The following ERC1 variants were observed in gnomAD, a reference collection of about 807,000 sequenced individuals.
The protein encoded by ERC1 is RAB6 interacting protein 2.
A neutral mutation model predicts 132.0 loss-of-function variants in ERC1; 56 were observed. That is an observed-to-expected ratio of 0.42 (90% CI 0.34 to 0.53). The LOEUF (loss-of-function observed/expected upper bound fraction) is 0.53, where lower values mean the gene tolerates loss of function less well. Ranked by LOEUF, ERC1 falls within the 20% of genes least tolerant of loss-of-function variation. The probability of loss-of-function intolerance (pLI) is 0.03; values close to 1 mark genes in which losing one functional copy is unlikely to be tolerated. For missense variants in ERC1, 1,202 were observed against 1,349.9 expected, an observed-to-expected ratio of 0.89 and a Z score of 1.72; for synonymous variants, 478 against 476.1, an observed-to-expected ratio of 1.00 and a Z score of -0.05.
At chr12:1,258,149 T>C (rs1307131065) in intron 13 of ERC1, among the ~76,000 whole-genome samples, 1 of 152,228 alleles carries the variant, frequency 6.6e-6, no homozygotes, top group Non-Finnish European at 1.5e-5. Context: ...AAGTGTGGCA[T>C]GTCCTATCTT....
chr12:1,327,647 A>G (rs73036653), intron 15 of ERC1, among the ~76,000 whole-genome samples: 3,762 of 152,176 alleles, frequency 0.025, 53 homozygotes, highest in Middle Eastern at 0.071. Context: ...ATTTTTTCCA[A>G]AGTAATGTTA....
intron 14 of ERC1, among the ~76,000 whole-genome samples, chr12:1,287,432 TG>T (rs2079110197): frequency 6.6e-6 from 1 of 152,120 alleles, no homozygotes; most frequent in Non-Finnish European, 1.5e-5. Flanking sequence ...GTATTCTGGG[TG>T]TTTCTGTGAG....
rs1185667973 is a variant in ERC1 at position 1,374,804 on chromosome 12, GCTTTTC to G, written c.2925+2828_2925+2833del. On this transcript the variant is annotated intron_variant, in intron 16 of 18. Transcript: ENST00000360905. ...CACAGATGTGTTATAGGCAGGCTGG[GCTTTTC>G]AGGACAGGCTGGGATTTTTTTTTTT... Among the ~76,000 whole-genome samples, 213 of 149,486 alleles carry G rather than the reference GCTTTTC, an allele frequency of 1.4e-3. 1 individual carries two copies. Among genetic ancestry groups the G allele is most frequent in the Middle Eastern group, 3.6e-3 (1 of 278 alleles).
intron 8 of ERC1, among the ~76,000 whole-genome samples, chr12:1,174,614 T>C (rs1280083744): frequency 6.6e-5 from 10 of 152,212 alleles, no homozygotes. Context: ...AATTTCTCCC[T>C]AGATGCAGAT....
At chr12:1,153,686 G>A (rs1479675428) in intron 8 of ERC1, among the ~76,000 whole-genome samples, 5 of 152,206 alleles carry the variant, frequency 3.3e-5, no homozygotes, top group Non-Finnish European at 4.4e-5. Flanking sequence ...GAAAACAAAC[G>A]GATCACTGTG....
At chr12:1,311,899 T>A (rs987023424) in intron 15 of ERC1, among the ~76,000 whole-genome samples, 5 of 152,222 alleles carry the variant, frequency 3.3e-5, no homozygotes, top group African/African-American at 1.2e-4. Flanking sequence ...GTATAAAAAC[T>A]TTCCCATTGA....
intron 12 of ERC1, chr12:1,190,301 TATTC>T: frequency 1.8e-6 from 1 of 566,398 alleles, no homozygotes; most frequent in South Asian, 1.6e-5. Context: ...AAAAAGAGAG[TATTC>T]ATTAATTTAA....
At chr12:1,218,716 C>G (rs1255943529) in intron 12 of ERC1, among the ~76,000 whole-genome samples, 3 of 151,836 alleles carry the variant, frequency 2.0e-5, no homozygotes, top group African/African-American at 7.3e-5. Flanking sequence ...ATACCAGTGT[C>G]TCCTTATTTT....
chr12:1,439,312 C>T (rs921868833), intron 17 of ERC1, among the ~76,000 whole-genome samples: 1 of 152,182 alleles, frequency 6.6e-6, no homozygotes, highest in Admixed American at 6.5e-5. Context: ...ACTTACCTGT[C>T]TTCCTAAAGA....
At chr12:1,166,517 C>T (rs1425593829) in intron 8 of ERC1, among the ~76,000 whole-genome samples, 6 of 152,196 alleles carry the variant, frequency 3.9e-5, no homozygotes, top group South Asian at 4.1e-4. Flanking sequence ...ATGATGTTGA[C>T]TGTGGGTTTT....
At chr12:1,263,753 G>A (rs975703191) in intron 14 of ERC1, among the ~76,000 whole-genome samples, 7 of 151,840 alleles carry the variant, frequency 4.6e-5, no homozygotes, top group Non-Finnish European at 5.9e-5. Flanking sequence ...GCGATGGTGT[G>A]ATCTCAGCTC....
rs1489476709 is a variant in ERC1 at position 1,356,212 on chromosome 12, A to AGTGTGTGTGTGTG, written c.2781-15621_2781-15620insGTGTGTGTGTGTG. ...AAGTGAGACTGTCAAAAAAAAAAAA[A>AGTGTGTGTGTGTG]AGTGTGTGTGTGTGTGTGTGTGTGT... is the stretch of plus-strand genomic sequence containing the variant. On this transcript the variant is annotated intron_variant, in intron 15 of 18. Transcript: ENST00000360905. Among the ~76,000 whole-genome samples, 1,034 of 119,012 alleles carry AGTGTGTGTGTGTG rather than the reference A, an allele frequency of 8.7e-3. 12 individuals carry two copies. The highest frequency in any genetic ancestry group is 0.026 in the African/African-American group (771 of 30,144). The allele number at this position is 119,012 out of a possible 152,430, so 78.1% of individuals were successfully genotyped here.
chr12:1,169,146 T>C (rs761302514), intron 8 of ERC1, among the ~76,000 whole-genome samples: 2 of 152,248 alleles, frequency 1.3e-5, no homozygotes, highest in Non-Finnish European at 2.9e-5. Context: ...TACAATTTCA[T>C]GTTAATTATA....
chr12:1,168,932 T>C (rs1009511959), intron 8 of ERC1, among the ~76,000 whole-genome samples: 2 of 152,200 alleles, frequency 1.3e-5, no homozygotes. Flanking sequence ...TTGTGTGAAC[T>C]GAGATATAAT....
At chr12:1,280,322 A>G (rs1387976410) in intron 14 of ERC1, among the ~76,000 whole-genome samples, 1 of 152,132 alleles carries the variant, frequency 6.6e-6, no homozygotes, top group African/African-American at 2.4e-5. Flanking sequence ...TTCTGGAGAA[A>G]TGTGCACGGT....
intron 1 of ERC1, among the ~76,000 whole-genome samples, chr12:1,016,404 AT>A (rs1013218924): frequency 1.3e-5 from 2 of 152,090 alleles, no homozygotes; most frequent in Admixed American, 1.3e-4. Flanking sequence ...AGCTATTATT[AT>A]TTTTCTAATC....
At chr12:1,260,715 A>C (rs908673015) in intron 13 of ERC1, among the ~76,000 whole-genome samples, 1 of 152,248 alleles carries the variant, frequency 6.6e-6, no homozygotes, top group African/African-American at 2.4e-5. Flanking sequence ...TGAAGGTGAG[A>C]GAGATATTTG....
At chr12:1,001,093 A>T (rs2887493) in intron 1 of ERC1, among the ~76,000 whole-genome samples, 1 of 151,966 alleles carries the variant, frequency 6.6e-6, no homozygotes, top group Non-Finnish European at 1.5e-5. Flanking sequence ...GTAGAGATGG[A>T]GTTTCACCAT....
chr12:1,423,250 C>A lies in ERC1; in HGVS notation c.3024+15003C>A, dbSNP rs537047613. On this transcript the variant is annotated intron_variant, in intron 17 of 18. Coordinates refer to ENST00000360905, the MANE Select transcript of ERC1 (RefSeq NM_178040.4). ...CCCACTTTAACCAATAAGAGATTTT[C>A]TTTACCTTGCTTCTGCTTTCACCTT... Among the ~76,000 whole-genome samples, 320 of 152,274 alleles carry A rather than the reference C, an allele frequency of 2.1e-3. 2 individuals carry two copies. Among genetic ancestry groups the A allele is most frequent in the Non-Finnish European group, 3.2e-3 (215 of 68,012 alleles).
Sources: gnomAD v4.1 joint callset for allele counts (sites outside exome capture counted in the v4.1 genomes callset) on GRCh38, gnomAD v4.1.1 for gene constraint, MANE v1.5 for transcripts, NCBI Gene and HGNC (gene_info 2026-07-23, HGNC 2026-07-21) for gene names.